Variants in ARMH4 observed in about 807,000 individuals in gnomAD.
ARMH4 encodes armadillo like helical domain containing 4.
In ARMH4, 49 loss-of-function variants were observed where a neutral mutation model predicts 61.9. The ratio of observed to expected loss-of-function variants is 0.79; its 90% CI spans 0.63 to 1.00. ARMH4 has a LOEUF of 1.00. Ranked by LOEUF, ARMH4 falls within the 50% of genes least tolerant of loss-of-function variation. ARMH4 has a pLI of 0.00. For missense variants in ARMH4, 934 were observed against 930.0 expected, an observed-to-expected ratio of 1.00 and a Z score of -0.06; for synonymous variants, 368 against 341.5, an observed-to-expected ratio of 1.08 and a Z score of -0.85.
chr14:58,039,984 A>C (rs1272174781), intron 5 of ARMH4, among the ~76,000 whole-genome samples: 1 of 152,192 alleles, frequency 6.6e-6, no homozygotes, highest in Non-Finnish European at 1.5e-5. Flanking sequence ...CAGGTACAAC[A>C]ATAACATAAA....
At chr14:58,119,538 A>C (rs1886651450) in intron 4 of ARMH4, among the ~76,000 whole-genome samples, 1 of 152,226 alleles carries the variant, frequency 6.6e-6, no homozygotes, top group South Asian at 2.1e-4. Flanking sequence ...CAGCATCTGC[A>C]CAAAAGCCAC....
chr14:58,024,749 C>A (rs1203158142), intron 5 of ARMH4, among the ~76,000 whole-genome samples: 2 of 152,068 alleles, frequency 1.3e-5, no homozygotes, highest in African/African-American at 4.8e-5. Context: ...CACCTAGAGG[C>A]CACTGTAGGG....
chr14:58,103,050 T>C (rs1886054247), intron 4 of ARMH4, among the ~76,000 whole-genome samples: 1 of 151,218 alleles, frequency 6.6e-6, no homozygotes, highest in Non-Finnish European at 1.5e-5. Flanking sequence ...TGAGAATTGC[T>C]TGAACCCGGG....
At chr14:58,105,514 C>T (rs746794204) in intron 4 of ARMH4, among the ~76,000 whole-genome samples, 5 of 151,954 alleles carry the variant, frequency 3.3e-5, no homozygotes, top group Non-Finnish European at 5.9e-5. Flanking sequence ...TGGTAAAACC[C>T]TGTCTCTACT....
chr14:58,125,294 C>T (rs189456916), intron 4 of ARMH4, among the ~76,000 whole-genome samples: 12 of 152,064 alleles, frequency 7.9e-5, no homozygotes, highest in African/African-American at 2.4e-4. Context: ...TACTTTCCTC[C>T]TCTCCAGATG....
chr14:58,010,774 A>G (rs1467525150), intron 6 of ARMH4, among the ~76,000 whole-genome samples: 1 of 152,070 alleles, frequency 6.6e-6, no homozygotes, highest in East Asian at 1.9e-4. Context: ...ATACATGCAG[A>G]TAAGAAATTT....
At chr14:58,040,580 TG>T (rs747348921) in intron 5 of ARMH4, among the ~76,000 whole-genome samples, 1 of 152,202 alleles carries the variant, frequency 6.6e-6, no homozygotes, top group Non-Finnish European at 1.5e-5. Flanking sequence ...GGCATTTAGG[TG>T]GCTTCCATGT....
chr14:58,013,376 A>G (rs1485891806), intron 5 of ARMH4, among the ~76,000 whole-genome samples: 1 of 151,614 alleles, frequency 6.6e-6, no homozygotes, highest in African/African-American at 2.4e-5. Context: ...TTTTCTTTTG[A>G]TTTTTTTCAA....
Position 58,137,898 on chromosome 14 carries a change from A to G in ARMH4, c.1369+92T>C, listed in dbSNP as rs146286649. On this transcript the variant is annotated intron_variant, in intron 2 of 7. Coordinates refer to ENST00000267485, the MANE Select transcript of ARMH4 (RefSeq NM_001001872.4). ...TGCTGCACCTGGCCTGCTTTTCATTAAAACTTCAACCTATTTCTAAATTGC... is the reference window on the plus strand; with the variant it reads ...TGCTGCACCTGGCCTGCTTTTCATTGAAACTTCAACCTATTTCTAAATTGC... The G allele has an allele frequency of 2.0e-4, 254 of 1,299,648 alleles. No homozygotes were observed. The African/African-American group carries it at 3.5e-3, about 18-fold the overall frequency. The allele number at this position is 1,299,648 out of a possible 1,614,324, so 80.5% of individuals were successfully genotyped here.
chr14:58,120,776 T>C (rs766288037), intron 4 of ARMH4, among the ~76,000 whole-genome samples: 3 of 152,182 alleles, frequency 2.0e-5, no homozygotes, highest in Non-Finnish European at 2.9e-5. Context: ...CTCTTTAGGA[T>C]TGGGAGGGTC....
intron 1 of ARMH4, among the ~76,000 whole-genome samples, chr14:58,149,462 G>A (rs1326414541): frequency 2.0e-5 from 3 of 152,252 alleles, no homozygotes; most frequent in South Asian, 2.1e-4. Flanking sequence ...TGGCAGGGAA[G>A]AGGGTAAGTA....
chr14:58,094,925 G>A (rs1282330221), intron 5 of ARMH4, among the ~76,000 whole-genome samples: 1 of 152,130 alleles, frequency 6.6e-6, no homozygotes, highest in Non-Finnish European at 1.5e-5. Context: ...TTCAGTGGGT[G>A]CAATTGTGTA....
intron 5 of ARMH4, among the ~76,000 whole-genome samples, chr14:58,082,056 C>G (rs1001490918): frequency 3.9e-5 from 6 of 152,200 alleles, no homozygotes; most frequent in South Asian, 2.1e-4. Context: ...TTTGTGTCAT[C>G]TCTAAGACAG....
At chr14:58,038,862 C>A (rs550500704) in intron 5 of ARMH4, among the ~76,000 whole-genome samples, 1 of 152,312 alleles carries the variant, frequency 6.6e-6, no homozygotes, top group African/African-American at 2.4e-5. Flanking sequence ...TTAGAAGTTA[C>A]TGAAAATAAG....
chr14:58,135,917 A>G (rs1453293333), intron 2 of ARMH4, among the ~76,000 whole-genome samples: 1 of 152,154 alleles, frequency 6.6e-6, no homozygotes, highest in Non-Finnish European at 1.5e-5. Context: ...AATAATTGCA[A>G]TCTTTCCCAT....
At chr14:58,137,072 G>A (rs1295541527) in intron 2 of ARMH4, among the ~76,000 whole-genome samples, 3 of 152,102 alleles carry the variant, frequency 2.0e-5, no homozygotes, top group African/African-American at 7.2e-5. Flanking sequence ...TAAACATATA[G>A]CTAATTCTTT....
At chr14:58,025,163 T>C (rs1352971468) in intron 5 of ARMH4, among the ~76,000 whole-genome samples, 4 of 151,952 alleles carry the variant, frequency 2.6e-5, no homozygotes, top group African/African-American at 7.3e-5. Context: ...GGAAATAAAA[T>C]GAAATGAGCC....
intron 4 of ARMH4, among the ~76,000 whole-genome samples, chr14:58,101,879 T>C (rs1351129147): frequency 6.6e-6 from 1 of 152,106 alleles, no homozygotes; most frequent in East Asian, 1.9e-4. Flanking sequence ...AAAGAAGAAG[T>C]CTGTTCTTTA....
intron 2 of ARMH4, among the ~76,000 whole-genome samples, chr14:58,133,543 A>C (rs937432243): frequency 1.3e-5 from 2 of 152,212 alleles, no homozygotes; most frequent in African/African-American, 4.8e-5. Flanking sequence ...ATCAATCTAC[A>C]ACAGAGATAA....
Sources: gnomAD v4.1 joint callset for allele counts (sites outside exome capture counted in the v4.1 genomes callset) on GRCh38, gnomAD v4.1.1 for gene constraint, MANE v1.5 for transcripts, NCBI Gene and HGNC (gene_info 2026-07-23, HGNC 2026-07-21) for gene names.